The following KLF8 variants were observed in gnomAD, a reference collection of about 807,000 sequenced individuals.
KLF8 encodes KLF transcription factor 8, also known as Krueppel-like factor 8.
In KLF8, 10 loss-of-function variants were observed where a neutral mutation model predicts 18.2. The observed-to-expected ratio is 0.55, with a 90% CI of 0.34 to 0.93. The LOEUF (loss-of-function observed/expected upper bound fraction) is 0.93. Ranked by LOEUF, KLF8 falls within the 40% of genes least tolerant of loss-of-function variation. The probability of loss-of-function intolerance (pLI) is 0.02; values close to 1 mark genes in which losing one functional copy is unlikely to be tolerated. For missense variants in KLF8, 264 were observed against 277.9 expected (o/e 0.95, Z 0.36); for synonymous variants, 109 against 97.3 (o/e 1.12, Z -0.71).
chrX:56,127,032 T>C, the KLF8 span, among the ~76,000 whole-genome samples: 2 of 110,334 alleles, frequency 1.8e-5, no homozygotes, highest in Non-Finnish European at 3.8e-5. Context: ...GGATTACAGA[T>C]GTGAACCACC....
the KLF8 span, among the ~76,000 whole-genome samples, chrX:56,075,477 G>C: frequency 9.0e-6 from 1 of 111,577 alleles, no homozygotes; most frequent in Non-Finnish European, 1.9e-5. Context: ...TGGAACATGA[G>C]ATACTCATCC....
the KLF8 span, among the ~76,000 whole-genome samples, chrX:56,096,628 ATTACAT>A: frequency 9.0e-6 from 1 of 111,560 alleles, no homozygotes; most frequent in South Asian, 3.7e-4. Context: ...AATAGAACAA[ATTACAT>A]TCAAAGAAGC....
the KLF8 span, among the ~76,000 whole-genome samples, chrX:55,973,946 A>G: frequency 2.4e-4 from 27 of 112,015 alleles, no homozygotes; most frequent in Non-Finnish European, 4.5e-4. Flanking sequence ...ATGCTCATCA[A>G]CGGTGGTCTG....
chrX:56,067,035 C>T, the KLF8 span, among the ~76,000 whole-genome samples: 7 of 109,518 alleles, frequency 6.4e-5, no homozygotes, highest in Non-Finnish European at 1.3e-4. Context: ...AAGCAGACTA[C>T]CTTGCTTCTC....
At chrX:56,041,678 T>TGTTGTG in the KLF8 span, among the ~76,000 whole-genome samples, 138 of 108,977 alleles carry the variant, frequency 1.3e-3, 2 homozygotes, top group African/African-American at 4.3e-3. Flanking sequence ...TTGTTGTTGT[T>TGTTGTG]GTTGTTGTTG....
chrX:56,147,942 C>A, the KLF8 span, among the ~76,000 whole-genome samples: 13 of 112,442 alleles, frequency 1.2e-4, no homozygotes, highest in Admixed American at 1.2e-3. Context: ...CATGCCACTG[C>A]ACTCCAGCCT....
At chrX:56,172,823 C>G in the KLF8 span, among the ~76,000 whole-genome samples, 1 of 111,700 alleles carries the variant, frequency 9.0e-6, no homozygotes, top group African/African-American at 3.3e-5. Context: ...TGGTATCTCA[C>G]TGTGGTTTTG....
the KLF8 span, among the ~76,000 whole-genome samples, chrX:56,111,997 G>T: frequency 9.0e-6 from 1 of 111,545 alleles, no homozygotes; most frequent in Non-Finnish European, 1.9e-5. Context: ...TACCCAAAGG[G>T]TTATAAATCA....
At chrX:56,214,558 C>A in the KLF8 span, among the ~76,000 whole-genome samples, 1 of 112,084 alleles carries the variant, frequency 8.9e-6, no homozygotes, top group Non-Finnish European at 1.9e-5. Context: ...CTCAGTCAAT[C>A]CAACATGACT....
chrX:56,174,526 A>T, the KLF8 span, among the ~76,000 whole-genome samples: 1 of 111,897 alleles, frequency 8.9e-6, no homozygotes, highest in Non-Finnish European at 1.9e-5. Context: ...TTTTGCATCG[A>T]TGTTCATCAA....
At chrX:56,119,179 G>C in the KLF8 span, among the ~76,000 whole-genome samples, 1 of 111,680 alleles carries the variant, frequency 9.0e-6, no homozygotes, top group African/African-American at 3.3e-5. Context: ...ACTTCCCACA[G>C]AGCCTTCTTT....
At chrX:56,099,418 G>C in the KLF8 span, among the ~76,000 whole-genome samples, 1 of 110,843 alleles carries the variant, frequency 9.0e-6, no homozygotes, top group Admixed American at 9.7e-5. Flanking sequence ...TATTAACTTA[G>C]GTAAATTAGT....
intron 1 of KLF8, among the ~76,000 whole-genome samples, chrX:56,237,111 A>C (rs2066485316): frequency 9.4e-6 from 1 of 106,712 alleles, no homozygotes; most frequent in African/African-American, 3.4e-5. Context: ...ACATACTGAC[A>C]TGAACTGAAT....
At chrX:56,080,979 A>T in the KLF8 span, among the ~76,000 whole-genome samples, 1 of 109,946 alleles carries the variant, frequency 9.1e-6, no homozygotes. Context: ...GTAGTTCTCG[A>T]GCCTTGGTTT....
chrX:56,052,890 G>C, the KLF8 span, among the ~76,000 whole-genome samples: 5 of 111,356 alleles, frequency 4.5e-5, no homozygotes, highest in East Asian at 2.8e-4. Flanking sequence ...GCAGTTTGAT[G>C]TCAGACTGCT....
chrX:56,084,708 A>T, the KLF8 span, among the ~76,000 whole-genome samples: 83 of 112,562 alleles, frequency 7.4e-4, no homozygotes, highest in African/African-American at 2.7e-3. Context: ...TTGTTTTAAA[A>T]GCTCTTTAAA....
chrX:56,175,196 C>G, the KLF8 span, among the ~76,000 whole-genome samples: 1 of 111,551 alleles, frequency 9.0e-6, no homozygotes, highest in Non-Finnish European at 1.9e-5. Context: ...GTTAGGGTGT[C>G]AATTTTAGAT....
chrX:56,198,216 T>C, the KLF8 span, among the ~76,000 whole-genome samples: 1 of 112,063 alleles, frequency 8.9e-6, no homozygotes, highest in Admixed American at 9.5e-5. Context: ...CTATTCAACA[T>C]AGCGTTGGAA....
chrX:56,171,508 T>A, the KLF8 span, among the ~76,000 whole-genome samples: 1 of 111,112 alleles, frequency 9.0e-6, no homozygotes, highest in Non-Finnish European at 1.9e-5. Flanking sequence ...TTTCTCCTAA[T>A]GTTATCCCTC....
Sources: allele counts gnomAD v4.1 joint callset (sites outside exome capture counted in the v4.1 genomes callset), GRCh38; gene constraint gnomAD v4.1.1; transcripts MANE v1.5; gene names NCBI Gene and HGNC (gene_info 2026-07-23, HGNC 2026-07-21).